NTN4: variants seen among roughly 807,000 people sequenced by gnomAD.
NTN4 encodes the protein netrin-4.
A neutral mutation model predicts 73.6 loss-of-function variants in NTN4; 32 were observed. That is an observed-to-expected ratio of 0.44 (90% CI 0.33 to 0.58). NTN4 has a LOEUF of 0.58. Ranked by LOEUF, NTN4 falls within the 20% of genes least tolerant of loss-of-function variation. The probability of loss-of-function intolerance (pLI) is 0.04; values close to 1 mark genes in which losing one functional copy is unlikely to be tolerated. For synonymous variants in NTN4, 258 were observed against 287.5 expected, an observed-to-expected ratio of 0.90 and a Z score of 1.04; for missense variants, 654 against 798.3, an observed-to-expected ratio of 0.82 and a Z score of 2.18.
At chr12:95,687,096 C>T (rs1270394076) in intron 5 of NTN4, among the ~76,000 whole-genome samples, 3 of 152,186 alleles carry the variant, frequency 2.0e-5, no homozygotes, top group African/African-American at 4.8e-5. Flanking sequence ...TCTTGTCCCA[C>T]TCCCTCCAGA....
intron 5 of NTN4, 48 bp downstream of exon 5, chr12:95,710,393 A>G: frequency 2.7e-6 from 4 of 1,482,146 alleles, no homozygotes; most frequent in Non-Finnish European, 3.7e-6. Flanking sequence ...AAAGAGATTC[A>G]TCTCTTGTAC....
At position 95,714,425 on chromosome 12, in the gene NTN4, TAAAGGTAAC is replaced by T. The variant is rs1414862576; in HGVS notation, c.865-1096_865-1088del. Among the ~76,000 whole-genome samples, 53 of 151,996 alleles carry T rather than the reference TAAAGGTAAC, an allele frequency of 3.5e-4. 1 individual carries two copies. The highest frequency in any genetic ancestry group is 2.8e-3 in the Admixed American group (43 of 15,288). On this transcript the variant is annotated intron_variant, in intron 3 of 9. Coordinates refer to ENST00000343702, the MANE Select transcript of NTN4 (RefSeq NM_021229.4). Reference sequence around the variant, plus strand: ...TTGAGAAACAGTGTTAAAGGTAACATAAAGGTAACAAATTATATCAACTAGTCAACAAAT... The same window carrying T: ...TTGAGAAACAGTGTTAAAGGTAACATAAATTATATCAACTAGTCAACAAAT...
chr12:95,715,424 C>T (rs1324632817), intron 3 of NTN4, among the ~76,000 whole-genome samples: 4 of 151,916 alleles, frequency 2.6e-5, no homozygotes, highest in Non-Finnish European at 5.9e-5. Flanking sequence ...TATAGAAATG[C>T]AACTAATACT....
chr12:95,726,261 G>A (rs1366943357), intron 3 of NTN4, among the ~76,000 whole-genome samples: 3 of 152,032 alleles, frequency 2.0e-5, no homozygotes, highest in Non-Finnish European at 1.5e-5. Flanking sequence ...ATGCTCACTA[G>A]GCAGTCACTT....
intron 8 of NTN4, among the ~76,000 whole-genome samples, chr12:95,669,312 G>C (rs992529791): frequency 6.6e-6 from 1 of 151,872 alleles, no homozygotes; most frequent in African/African-American, 2.4e-5. Context: ...GATAGTAACA[G>C]TCTTTACTTA....
intron 5 of NTN4, among the ~76,000 whole-genome samples, chr12:95,709,553 T>TG (rs60140616): frequency 2.7e-5 from 4 of 146,434 alleles, no homozygotes; most frequent in African/African-American, 7.7e-5. Context: ...TTTTTTTTTT[T>TG]GGAAAGGTTT....
rs56063223 is a variant in NTN4 at position 95,700,080 on chromosome 12, A to ATTTTTTTTTTTTTTTTTTTTTT, written c.1180+10339_1180+10360dup. 9.6e-5 allele frequency among the ~76,000 whole-genome samples: 4 copies of ATTTTTTTTTTTTTTTTTTTTTT among 41,820 alleles called. 1 individual carries two copies. Among genetic ancestry groups the ATTTTTTTTTTTTTTTTTTTTTT allele is most frequent in the Non-Finnish European group, 1.7e-4 (4 of 23,310 alleles). 27.4% of individuals were successfully genotyped at this position (41,820 alleles called of 152,430 possible). A position where few individuals can be genotyped will look rare whatever the true frequency, so the allele number is the denominator to read the frequency against. ...AACAGTGTATTCTTCTAAAGTGAGG[A>ATTTTTTTTTTTTTTTTTTTTTT]TTTTTTTTTTTTTTTTTTTTTTTTT... is the stretch of plus-strand genomic sequence containing the variant. On this transcript the variant is annotated intron_variant, in intron 5 of 9. Coordinates refer to ENST00000343702, the MANE Select transcript of NTN4 (RefSeq NM_021229.4).
rs774048831 is a variant in NTN4 at position 95,787,425 on chromosome 12, G to A, written c.99C>T (p.Ala33=). ...CCAAATTTCCCATCCGAGGGTTGCA[G>A]GCTTTTTCACAGCGGGAACTCACTC... The part of the protein sequence containing the change: ...VAGVSSRCEK[A]CNPRMGNLAL... Residue 33 remains alanine, a synonymous_variant, in exon 2 of 10, where the codon GCC becomes GCT. Transcript: ENST00000343702. The A allele has an allele frequency of 3.1e-6, 5 of 1,614,050 alleles. No homozygotes were observed. The African/African-American group carries it at 6.7e-5, about 22-fold the overall frequency.
At chr12:95,701,844 T>G (rs746113248) in intron 5 of NTN4, among the ~76,000 whole-genome samples, 7 of 152,160 alleles carry the variant, frequency 4.6e-5, no homozygotes, top group Non-Finnish European at 1.0e-4. Flanking sequence ...AACCCCAAGA[T>G]TAATGCCATC....
At chr12:95,672,157 C>T (rs773772943) in intron 7 of NTN4, 17 of 448,076 alleles carry the variant, frequency 3.8e-5, no homozygotes, top group Non-Finnish European at 6.5e-5. Flanking sequence ...ATTGTCTCTA[C>T]AAAAAAGATT....
At chr12:95,660,957 T>A (rs2078133195) in intron 9 of NTN4, among the ~76,000 whole-genome samples, 1 of 152,162 alleles carries the variant, frequency 6.6e-6, no homozygotes. Context: ...TCTTATTGTA[T>A]TAAAAAACAA....
At chr12:95,758,492 G>C (rs985745476) in intron 2 of NTN4, among the ~76,000 whole-genome samples, 3 of 152,140 alleles carry the variant, frequency 2.0e-5, no homozygotes, top group Non-Finnish European at 4.4e-5. Context: ...GTAATGATTT[G>C]CAAATATTTT....
At chr12:95,788,890 A>G (rs1438800481) in intron 1 of NTN4, among the ~76,000 whole-genome samples, 1 of 152,212 alleles carries the variant, frequency 6.6e-6, no homozygotes, top group Non-Finnish European at 1.5e-5. Flanking sequence ...TGCCTGTACA[A>G]GTATTTTTGA....
intron 2 of NTN4, among the ~76,000 whole-genome samples, chr12:95,772,142 T>C (rs1312407527): frequency 6.6e-6 from 1 of 152,078 alleles, no homozygotes; most frequent in African/African-American, 2.4e-5. Flanking sequence ...TAGGCTCAGG[T>C]GATCCTCCCA....
At chr12:95,762,540 A>G (rs2121248613) in intron 2 of NTN4, among the ~76,000 whole-genome samples, 1 of 152,386 alleles carries the variant, frequency 6.6e-6, no homozygotes, top group South Asian at 2.1e-4. Context: ...GCTGAGTTAG[A>G]AGAAAAGACT....
At chr12:95,684,685 G>A (rs1473263201) in intron 5 of NTN4, among the ~76,000 whole-genome samples, 1 of 152,112 alleles carries the variant, frequency 6.6e-6, no homozygotes, top group Admixed American at 6.5e-5. Flanking sequence ...CTCACAGTCT[G>A]ACAACCTGCA....
intron 5 of NTN4, among the ~76,000 whole-genome samples, chr12:95,684,586 C>T (rs1347096230): frequency 1.3e-5 from 2 of 151,968 alleles, no homozygotes; most frequent in South Asian, 2.1e-4. Context: ...GGGCTACAGG[C>T]GTGAGACACT....
chr12:95,774,121 T>G lies in NTN4; in HGVS notation c.585+12818A>C, dbSNP rs1379587644. Among the ~76,000 whole-genome samples, 5 of 152,160 alleles carry G rather than the reference T, an allele frequency of 3.3e-5. No individual in the cohort carries two copies. In the East Asian group the frequency reaches 9.7e-4, roughly 29 times the overall value. On this transcript the variant is annotated intron_variant, in intron 2 of 9. Coordinates refer to ENST00000343702, the MANE Select transcript of NTN4 (RefSeq NM_021229.4). Reference sequence around the variant, plus strand: ...TATTACAAATTATCAGTAGACTATATGTTGTATACAATACCTACTGATTAC... The same window carrying G: ...TATTACAAATTATCAGTAGACTATAGGTTGTATACAATACCTACTGATTAC...
At chr12:95,784,817 A>G (rs1344663753) in intron 2 of NTN4, among the ~76,000 whole-genome samples, 1 of 152,178 alleles carries the variant, frequency 6.6e-6, no homozygotes, top group Non-Finnish European at 1.5e-5. Context: ...ACACTTATGA[A>G]CTAGGTTTAG....
Sources: gnomAD v4.1 joint callset for allele counts (sites outside exome capture counted in the v4.1 genomes callset) on GRCh38, gnomAD v4.1.1 for gene constraint, MANE v1.5 for transcripts, NCBI Gene and HGNC (gene_info 2026-07-23, HGNC 2026-07-21) for gene names.